AFG2A: variants seen among roughly 807,000 people sequenced by gnomAD.
AFG2A encodes ATPase family gene 2 protein homolog A.
chr4:123,046,483 G>A, the AFG2A span, among the ~76,000 whole-genome samples: 1 of 152,130 alleles, frequency 6.6e-6, no homozygotes. Flanking sequence ...TATTTTTAAT[G>A]AGCTACGCAT....
the AFG2A span, among the ~76,000 whole-genome samples, chr4:123,281,530 G>C: frequency 2.0e-5 from 3 of 152,156 alleles, no homozygotes; most frequent in African/African-American, 7.2e-5. Context: ...CAGTGCCACT[G>C]GCTAGTCACT....
chr4:123,123,909 G>A, the AFG2A span, among the ~76,000 whole-genome samples: 3,210 of 128,314 alleles, frequency 0.025, 121 homozygotes, highest in African/African-American at 0.087. Context: ...TCGAGATCGC[G>A]CCACTGCACT....
At chr4:123,264,121 A>G in the AFG2A span, among the ~76,000 whole-genome samples, 7 of 152,146 alleles carry the variant, frequency 4.6e-5, no homozygotes, top group African/African-American at 1.7e-4. Flanking sequence ...CAGAAACCCA[A>G]ACATCTTATG....
the AFG2A span, among the ~76,000 whole-genome samples, chr4:123,261,319 A>G: frequency 6.6e-6 from 1 of 152,186 alleles, no homozygotes; most frequent in African/African-American, 2.4e-5. Context: ...GTGCCCCAGA[A>G]TTTCAAAATA....
the AFG2A span, among the ~76,000 whole-genome samples, chr4:123,232,718 T>C: frequency 2.6e-5 from 4 of 151,882 alleles, no homozygotes; most frequent in Non-Finnish European, 4.4e-5. Context: ...AAAGAGCAAA[T>C]AGAGAACTTG....
At chr4:123,126,135 C>T in the AFG2A span, among the ~76,000 whole-genome samples, 6 of 152,068 alleles carry the variant, frequency 3.9e-5, no homozygotes, top group African/African-American at 1.4e-4. Flanking sequence ...GAACATTTAC[C>T]TTTTATCTTG....
At chr4:122,955,416 A>G in the AFG2A span, among the ~76,000 whole-genome samples, 10 of 152,312 alleles carry the variant, frequency 6.6e-5, no homozygotes, top group African/African-American at 2.4e-4. Context: ...TACAATAAAA[A>G]TATCAATTAA....
the AFG2A span, among the ~76,000 whole-genome samples, chr4:122,982,522 TCCTTCCTCTTCAGTTTATTGGAAGTTTTG>T: frequency 6.6e-6 from 1 of 152,242 alleles, no homozygotes; most frequent in Non-Finnish European, 1.5e-5. Context: ...TTGGAAGTGT[TCCTTCCTCTTCAGTTTATTGGAAGTTTTG>T]TGAATTCTAC....
the AFG2A span, among the ~76,000 whole-genome samples, chr4:123,185,681 C>T: frequency 6.6e-6 from 1 of 151,850 alleles, no homozygotes; most frequent in Non-Finnish European, 1.5e-5. Flanking sequence ...ATGTTTTTTT[C>T]TTATACATGA....
At chr4:123,167,821 T>C in the AFG2A span, among the ~76,000 whole-genome samples, 1 of 152,234 alleles carries the variant, frequency 6.6e-6, no homozygotes, top group Non-Finnish European at 1.5e-5. Context: ...ATTTTTGATG[T>C]TGAAATCAGG....
At chr4:122,968,427 A>T in the AFG2A span, among the ~76,000 whole-genome samples, 1 of 152,190 alleles carries the variant, frequency 6.6e-6, no homozygotes, top group Admixed American at 6.5e-5. Context: ...TACCTCTCTC[A>T]GACCCTTTCC....
the AFG2A span, among the ~76,000 whole-genome samples, chr4:123,276,959 T>G: frequency 2.0e-5 from 3 of 152,294 alleles, no homozygotes; most frequent in African/African-American, 7.2e-5. Flanking sequence ...ATGTTGGCTA[T>G]TTGGGCTCTT....
chr4:123,033,379 A>G, the AFG2A span, among the ~76,000 whole-genome samples: 1 of 152,148 alleles, frequency 6.6e-6, no homozygotes, highest in Non-Finnish European at 1.5e-5. Context: ...CTAGTGTCCA[A>G]TGGCTTTTTT....
At chr4:123,277,403 T>C in the AFG2A span, among the ~76,000 whole-genome samples, 5 of 152,198 alleles carry the variant, frequency 3.3e-5, no homozygotes, top group Non-Finnish European at 5.9e-5. Flanking sequence ...TTTCTAGATA[T>C]AGAATCATGT....
At chr4:123,307,951 A>G in the AFG2A span, among the ~76,000 whole-genome samples, 1 of 152,246 alleles carries the variant, frequency 6.6e-6, no homozygotes, top group African/African-American at 2.4e-5. Context: ...CAGTCTGTCT[A>G]CACAACAGTG....
At chr4:122,930,419 T>C in the AFG2A span, among the ~76,000 whole-genome samples, 1 of 152,218 alleles carries the variant, frequency 6.6e-6, no homozygotes, top group Non-Finnish European at 1.5e-5. Context: ...AGTCATCAGC[T>C]TGATTTTAAT....
chr4:123,071,633 C>A, the AFG2A span, among the ~76,000 whole-genome samples: 1 of 152,170 alleles, frequency 6.6e-6, no homozygotes, highest in African/African-American at 2.4e-5. Flanking sequence ...ATGTCACTCT[C>A]TATGTTAACA....
the AFG2A span, among the ~76,000 whole-genome samples, chr4:123,233,990 T>C: frequency 1.3e-5 from 2 of 152,076 alleles, no homozygotes; most frequent in Non-Finnish European, 2.9e-5. Flanking sequence ...TTTTCTTTTC[T>C]AAAGGTGTTC....
the AFG2A span, among the ~76,000 whole-genome samples, chr4:123,237,845 C>T: frequency 1.5e-4 from 23 of 152,034 alleles, no homozygotes; most frequent in African/African-American, 5.1e-4. Flanking sequence ...GTGCAGCCCA[C>T]GGAGAGTGAA....
Sources: allele counts gnomAD v4.1 joint callset (sites outside exome capture counted in the v4.1 genomes callset), GRCh38; gene constraint gnomAD v4.1.1; transcripts MANE v1.5; gene names NCBI Gene and HGNC (gene_info 2026-07-23, HGNC 2026-07-21).